The following PEBP4 variants were observed in gnomAD, a reference collection of about 807,000 sequenced individuals.
The protein encoded by PEBP4 is phosphatidylethanolamine binding protein 4, also known as phosphatidylethanolamine-binding protein 4.
Under a neutral mutation model 23.9 loss-of-function variants are expected in PEBP4, and 22 were observed. That is an observed-to-expected ratio of 0.92 (90% CI 0.66 to 1.31). PEBP4 has a LOEUF of 1.31. PEBP4 is among the 40% of genes most tolerant of loss of function. The pLI is 0.00. For synonymous variants in PEBP4, 112 were observed against 99.3 expected (o/e 1.13, Z -0.76); for missense variants, 324 against 281.7 (o/e 1.15, Z -1.07).
chr8:22,772,494 T>TG (rs35225879), intron 4 of PEBP4, among the ~76,000 whole-genome samples: 1 of 20,870 alleles, frequency 4.8e-5, no homozygotes, highest in African/African-American at 8.7e-5. Flanking sequence ...TCTCTCTCTC[T>TG]TTTTTTTTTT....
chr8:22,780,663 C>T (rs1358130927), intron 4 of PEBP4, among the ~76,000 whole-genome samples: 5 of 152,180 alleles, frequency 3.3e-5, no homozygotes, highest in African/African-American at 1.2e-4. Context: ...CCCTGCCATA[C>T]ACCCACCAGG....
intron 4 of PEBP4, among the ~76,000 whole-genome samples, chr8:22,772,690 G>A (rs139329630): frequency 4.8e-3 from 728 of 152,184 alleles, no homozygotes; most frequent in Middle Eastern, 0.014. Context: ...GTGCCTCTGC[G>A]CAGGCCACAG....
chr8:22,837,613 C>T (rs757911984), intron 3 of PEBP4, among the ~76,000 whole-genome samples: 17 of 152,204 alleles, frequency 1.1e-4, no homozygotes, highest in Non-Finnish European at 2.1e-4. Context: ...CCCACACAGA[C>T]GGAGGATGTT....
At chr8:22,825,892 T>G (rs1198292031) in intron 3 of PEBP4, among the ~76,000 whole-genome samples, 2 of 152,224 alleles carry the variant, frequency 1.3e-5, no homozygotes, top group South Asian at 4.2e-4. Flanking sequence ...ACAACGTGGA[T>G]AAACCTTGAG....
intron 3 of PEBP4, among the ~76,000 whole-genome samples, chr8:22,860,626 C>T (rs946590327): frequency 2.6e-5 from 4 of 152,162 alleles, no homozygotes; most frequent in African/African-American, 4.8e-5. Flanking sequence ...TTATGCATTC[C>T]CATCTTTTTT....
At chr8:22,890,954 G>A (rs980848172) in intron 3 of PEBP4, among the ~76,000 whole-genome samples, 5 of 152,210 alleles carry the variant, frequency 3.3e-5, no homozygotes, top group Admixed American at 2.6e-4. Context: ...TCAGCCTTGC[G>A]AGTAGCTGAG....
At chr8:22,772,603 C>T (rs1442488672) in intron 4 of PEBP4, among the ~76,000 whole-genome samples, 1 of 151,364 alleles carries the variant, frequency 6.6e-6, no homozygotes, top group Non-Finnish European at 1.5e-5. Flanking sequence ...TCAGTTGATC[C>T]TCCTGTCTTG....
At chr8:22,911,119 C>T (rs190281929) in intron 3 of PEBP4, among the ~76,000 whole-genome samples, 1 of 152,118 alleles carries the variant, frequency 6.6e-6, no homozygotes, top group African/African-American at 2.4e-5. Flanking sequence ...AACATAAAGT[C>T]TATTAAAAAT....
At chr8:22,864,334 GC>G (rs1034258802) in intron 3 of PEBP4, among the ~76,000 whole-genome samples, 19 of 152,254 alleles carry the variant, frequency 1.2e-4, no homozygotes, top group African/African-American at 4.6e-4. Context: ...GCTCTGTGAG[GC>G]CACCTATTTG....
chr8:22,871,111 C>A (rs919074239), intron 3 of PEBP4, among the ~76,000 whole-genome samples: 1 of 152,050 alleles, frequency 6.6e-6, no homozygotes, highest in African/African-American at 2.4e-5. Context: ...TGCTGCTGGG[C>A]CCTGGGGGTG....
intron 4 of PEBP4, among the ~76,000 whole-genome samples, chr8:22,768,027 GC>G (rs1805643997): frequency 6.6e-6 from 1 of 152,190 alleles, no homozygotes; most frequent in Non-Finnish European, 1.5e-5. Context: ...GAGCCACTGT[GC>G]CCGGCCTATA....
At chr8:22,875,047 C>T (rs1420632344) in intron 3 of PEBP4, among the ~76,000 whole-genome samples, 1 of 152,068 alleles carries the variant, frequency 6.6e-6, no homozygotes, top group East Asian at 1.9e-4. Context: ...CTCTGCTTCT[C>T]CATTCAGCCC....
chr8:22,867,028 G>A (rs1194762169), intron 3 of PEBP4, among the ~76,000 whole-genome samples: 3 of 152,118 alleles, frequency 2.0e-5, no homozygotes, highest in Admixed American at 6.5e-5. Flanking sequence ...CTGTGTGATA[G>A]GAACGAAGAG....
At chr8:22,879,407 G>A (rs988091481) in intron 3 of PEBP4, 1 of 152,216 alleles carries the variant, frequency 6.6e-6, no homozygotes, top group Admixed American at 6.5e-5. Context: ...CGCATGAATT[G>A]GTGAGTAGCA....
intron 3 of PEBP4, among the ~76,000 whole-genome samples, chr8:22,898,990 G>A (rs566875048): frequency 6.6e-6 from 1 of 152,264 alleles, no homozygotes; most frequent in Non-Finnish European, 1.5e-5. Context: ...AGGAGGTGTG[G>A]CTTGGCTAAC....
chr8:22,721,909 G>A (rs1416477528), intron 6 of PEBP4, among the ~76,000 whole-genome samples: 7 of 152,220 alleles, frequency 4.6e-5, no homozygotes, highest in Admixed American at 3.3e-4. Context: ...TTTCAACATC[G>A]TGCAAGGACC....
Position 22,769,564 on chromosome 8 carries a change from G to C in PEBP4, c.358-42344C>G, listed in dbSNP as rs1805677308. Among the ~76,000 whole-genome samples the C allele has an allele frequency of 4.6e-5, 7 of 151,998 alleles. No individual in the cohort carries two copies. The South Asian group carries it at 1.5e-3, about 32-fold the overall frequency. On this transcript the variant is annotated intron_variant, in intron 4 of 6. Transcript: ENST00000256404. The stretch of plus-strand genomic sequence containing the variant: ...CTGCGTGGATGCTCTCCCATGTCTT[G>C]CCTGCAGCCTAGAGAGGAATAGAAC...
At chr8:22,722,725 A>G (rs975773570) in intron 6 of PEBP4, among the ~76,000 whole-genome samples, 3 of 151,942 alleles carry the variant, frequency 2.0e-5, no homozygotes, top group African/African-American at 7.2e-5. Context: ...AAGGCATCAC[A>G]TGGCAAGACT....
chr8:22,830,146 T>TGTGTGTGTGTG (rs56204367), intron 3 of PEBP4, among the ~76,000 whole-genome samples: 2 of 150,728 alleles, frequency 1.3e-5, no homozygotes, highest in African/African-American at 2.5e-5. Context: ...TGTGTGTGTG[T>TGTGTGTGTGTG]TTTTACGGAG....
Sources: gnomAD v4.1 joint callset for allele counts (sites outside exome capture counted in the v4.1 genomes callset) on GRCh38, gnomAD v4.1.1 for gene constraint, MANE v1.5 for transcripts, NCBI Gene and HGNC (gene_info 2026-07-23, HGNC 2026-07-21) for gene names.